LINGO2: variants seen among roughly 807,000 people sequenced by gnomAD.
The protein encoded by LINGO2 is leucine-rich repeat and immunoglobulin-like domain-containing nogo receptor-interacting protein 2.
In LINGO2, 14 loss-of-function variants were observed where a neutral mutation model predicts 30.6. The observed-to-expected ratio is 0.46, with a 90% CI of 0.30 to 0.72. The LOEUF (loss-of-function observed/expected upper bound fraction) is 0.72, where lower values mean the gene tolerates loss of function less well. Among genes scored for constraint, LINGO2 ranks in the 30% least tolerant of loss-of-function variants. LINGO2 has a pLI of 0.07. For missense variants in LINGO2, 729 were observed against 751.7 expected (o/e 0.97, Z 0.35); for synonymous variants, 317 against 288.5 (o/e 1.10, Z -1.00).
chr9:28,781,480 A>T, the LINGO2 span, among the ~76,000 whole-genome samples: 1 of 152,166 alleles, frequency 6.6e-6, no homozygotes, highest in African/African-American at 2.4e-5. Flanking sequence ...TAGCAAAACA[A>T]AATCATTAAT....
chr9:28,015,778 T>TA (rs1554658771), intron 4 of LINGO2, among the ~76,000 whole-genome samples: 3 of 151,936 alleles, frequency 2.0e-5, no homozygotes, highest in African/African-American at 7.3e-5. Context: ...CAGGTGATAA[T>TA]CCCAGTTTAC....
At chr9:28,420,091 T>G (rs1270417941) in intron 2 of LINGO2, among the ~76,000 whole-genome samples, 1 of 152,072 alleles carries the variant, frequency 6.6e-6, no homozygotes, top group Non-Finnish European at 1.5e-5. Context: ...TTTGTATAGT[T>G]TCTTAGAGTC....
the LINGO2 span, among the ~76,000 whole-genome samples, chr9:28,982,325 C>T: frequency 6.6e-6 from 1 of 151,950 alleles, no homozygotes; most frequent in South Asian, 2.1e-4. Flanking sequence ...TTGAAAAAGT[C>T]TTTTGGCGGT....
At chr9:28,754,017 A>AAC in the LINGO2 span, among the ~76,000 whole-genome samples, 6,233 of 146,096 alleles carry the variant, frequency 0.043, 407 homozygotes, top group African/African-American at 0.14. Flanking sequence ...CACACACACA[A>AAC]ACACACACAC....
the LINGO2 span, among the ~76,000 whole-genome samples, chr9:28,812,224 TAAATATTATTTTTAGTGCA>T: frequency 6.6e-6 from 1 of 152,244 alleles, no homozygotes; most frequent in Non-Finnish European, 1.5e-5. Flanking sequence ...TTTAAATAAA[TAAATATTATTTTTAGTGCA>T]AGAATATCTG....
chr9:28,606,498 C>T (rs1255305561), intron 1 of LINGO2, among the ~76,000 whole-genome samples: 1 of 151,964 alleles, frequency 6.6e-6, no homozygotes, highest in Non-Finnish European at 1.5e-5. Context: ...AGCTATTTTA[C>T]ACTTTTTAAC....
chr9:28,669,370 G>A (rs959384003), intron 1 of LINGO2, among the ~76,000 whole-genome samples: 1 of 152,068 alleles, frequency 6.6e-6, no homozygotes, highest in African/African-American at 2.4e-5. Context: ...GGACACAAGT[G>A]ATGCAGTTCC....
chr9:28,051,234 GAA>G lies in LINGO2; in HGVS notation c.-86-38831_-86-38830del, dbSNP rs1245142910. 4.0e-4 allele frequency among the ~76,000 whole-genome samples: 56 copies of G among 141,028 alleles called. No individual in the cohort carries two copies. In the East Asian group the frequency reaches 9.0e-3, roughly 23 times the overall value. 92.5% of individuals were successfully genotyped at this position (141,028 alleles called of 152,430 possible). A position where few individuals can be genotyped will look rare whatever the true frequency, so the allele number is the denominator to read the frequency against. On this transcript the variant is annotated intron_variant, in intron 4 of 5. Coordinates refer to ENST00000379992, the Ensembl canonical transcript of LINGO2. ...CAGCTAGTATAGTTTTCTCCAAAGT[GAA>G]GACTGAAAACTATCAGAAAGAATAT...
the LINGO2 span, among the ~76,000 whole-genome samples, chr9:28,725,835 T>C: frequency 6.6e-6 from 1 of 151,936 alleles, no homozygotes; most frequent in Non-Finnish European, 1.5e-5. Context: ...GCTAAAGAAA[T>C]ACAAAATGTG....
the LINGO2 span, among the ~76,000 whole-genome samples, chr9:28,890,403 A>T: frequency 6.6e-6 from 1 of 152,062 alleles, no homozygotes; most frequent in African/African-American, 2.4e-5. Flanking sequence ...TACCAGGGGC[A>T]GCACTGCCAT....
chr9:28,786,106 T>G, the LINGO2 span, among the ~76,000 whole-genome samples: 1 of 152,220 alleles, frequency 6.6e-6, no homozygotes, highest in African/African-American at 2.4e-5. Context: ...AGGCCTGCTG[T>G]GCAAATACAC....
chr9:29,046,033 A>G, the LINGO2 span, among the ~76,000 whole-genome samples: 54,204 of 151,954 alleles, frequency 0.36, 9,787 homozygotes, highest in East Asian at 0.48. Context: ...AGGAGCTTTC[A>G]GGCCAAAACT....
At chr9:28,044,996 G>A (rs538423617) in intron 4 of LINGO2, among the ~76,000 whole-genome samples, 5 of 152,122 alleles carry the variant, frequency 3.3e-5, no homozygotes, top group East Asian at 1.9e-4. Context: ...TGTGCATTTC[G>A]TAATCCCAGT....
chr9:28,087,137 C>T (rs1825938462), intron 4 of LINGO2, among the ~76,000 whole-genome samples: 1 of 152,002 alleles, frequency 6.6e-6, no homozygotes, highest in South Asian at 2.1e-4. Flanking sequence ...TAAGCTGAGG[C>T]CATCCCAGAC....
At chr9:29,173,016 A>C in the LINGO2 span, among the ~76,000 whole-genome samples, 1 of 152,024 alleles carries the variant, frequency 6.6e-6, no homozygotes, top group African/African-American at 2.4e-5. Flanking sequence ...CATGTCTCAA[A>C]CCTGAATTGA....
At chr9:28,928,280 T>A in the LINGO2 span, among the ~76,000 whole-genome samples, 1 of 152,336 alleles carries the variant, frequency 6.6e-6, no homozygotes, top group South Asian at 2.1e-4. Context: ...GACTTTTATA[T>A]ACACATGCAA....
At chr9:28,373,761 A>T (rs866508418) in intron 2 of LINGO2, among the ~76,000 whole-genome samples, 14 of 151,978 alleles carry the variant, frequency 9.2e-5, no homozygotes, top group African/African-American at 3.1e-4. Context: ...TTAGTTGGGC[A>T]TGGTGGCGTG....
At chr9:28,503,285 AAATT>A (rs1819969386) in intron 1 of LINGO2, among the ~76,000 whole-genome samples, 1 of 152,074 alleles carries the variant, frequency 6.6e-6, no homozygotes, top group Non-Finnish European at 1.5e-5. Flanking sequence ...ATGTACATAA[AAATT>A]AAGAATTCCA....
the LINGO2 span, among the ~76,000 whole-genome samples, chr9:28,778,854 A>C: frequency 2.6e-5 from 4 of 152,196 alleles, no homozygotes; most frequent in African/African-American, 7.2e-5. Context: ...ACACAAAAAA[A>C]GTTACATTTA....
Sources: gnomAD v4.1 joint callset for allele counts (sites outside exome capture counted in the v4.1 genomes callset) on GRCh38, gnomAD v4.1.1 for gene constraint, MANE v1.5 for transcripts, NCBI Gene and HGNC (gene_info 2026-07-23, HGNC 2026-07-21) for gene names.